The following VAT1L variants were observed in gnomAD, a reference collection of about 807,000 sequenced individuals.
VAT1L encodes the protein vesicle amine transport 1 like, also known as putative NADPH-dependent quinone oxidoreductase VAT1L.
VAT1L carries 34 observed loss-of-function variants against 44.1 expected under a neutral mutation model. That is an observed-to-expected ratio of 0.77 (90% CI 0.59 to 1.03). VAT1L has a LOEUF of 1.03. Ranked by LOEUF, VAT1L falls within the 50% of genes least tolerant of loss-of-function variation. The pLI is 0.00. For synonymous variants in VAT1L, 253 were observed against 202.2 expected (o/e 1.25, Z -2.13); for missense variants, 615 against 538.8 (o/e 1.14, Z -1.40).
intron 1 of VAT1L, among the ~76,000 whole-genome samples, chr16:77,814,560 C>G (rs115850610): frequency 0.022 from 3,321 of 152,292 alleles, 61 homozygotes; most frequent in African/African-American, 0.052. Flanking sequence ...GAGGCCTTCT[C>G]CAGGGGGCTG....
Position 77,901,780 on chromosome 16 carries a change from C to T in VAT1L, c.1077+16978C>T, listed in dbSNP as rs139912936. Among the ~76,000 whole-genome samples, 23 of 152,272 alleles carry T rather than the reference C, an allele frequency of 1.5e-4. No individual in the cohort carries two copies. The East Asian group carries it at 3.5e-3, about 23-fold the overall frequency. On this transcript the variant is annotated intron_variant, in intron 7 of 8. Transcript: ENST00000302536. ...ACATTAAATGAACCACTGTGGGTCA[C>T]CCTCACCCCTAACCTGAAATAATCT...
chr16:77,970,227 C>G (rs1328318345), intron 7 of VAT1L, among the ~76,000 whole-genome samples: 1 of 152,080 alleles, frequency 6.6e-6, no homozygotes, highest in African/African-American at 2.4e-5. Context: ...CAGAGCAAGA[C>G]CCTGTCCCCC....
In VAT1L at chr16:77,979,380, G is replaced by T. The variant is rs557994225; in HGVS notation, c.*1685G>T. 6.6e-6 allele frequency: 1 copy of T among 152,280 alleles called. No homozygotes were observed. The highest frequency in any genetic ancestry group is 1.9e-4 in the East Asian group (1 of 5,170). 9.4% of individuals were successfully genotyped at this position (152,280 alleles called of 1,614,324 possible). A position where few individuals can be genotyped will look rare whatever the true frequency, so the allele number is the denominator to read the frequency against. ...TACTCCAGGACCCACCAATATTCCA[G>T]TTCTGGGTCATTTAGAGAGATAATG... On this transcript the variant is annotated 3_prime_UTR_variant, in exon 9 of 9. Transcript: ENST00000302536.
chr16:77,962,282 C>A (rs1264653782), intron 7 of VAT1L, among the ~76,000 whole-genome samples: 1 of 152,094 alleles, frequency 6.6e-6, no homozygotes, highest in Admixed American at 6.5e-5. Flanking sequence ...GGTCTTGGGG[C>A]CATTTGGGAA....
chr16:77,958,865 A>G (rs2018132679), intron 7 of VAT1L, among the ~76,000 whole-genome samples: 1 of 152,196 alleles, frequency 6.6e-6, no homozygotes, highest in Non-Finnish European at 1.5e-5. Flanking sequence ...TGTTCCTACT[A>G]ATAGCCCCTT....
intron 7 of VAT1L, among the ~76,000 whole-genome samples, chr16:77,898,124 T>C (rs562848003): frequency 6.6e-6 from 1 of 152,286 alleles, no homozygotes; most frequent in Admixed American, 6.5e-5. Flanking sequence ...ATCTCTGCCT[T>C]CATCTTCACA....
chr16:77,821,617 A>T (rs897640568), intron 2 of VAT1L, among the ~76,000 whole-genome samples: 5 of 152,090 alleles, frequency 3.3e-5, no homozygotes, highest in African/African-American at 9.7e-5. Flanking sequence ...TACCACTTAC[A>T]ACTGTGTGGT....
intron 2 of VAT1L, among the ~76,000 whole-genome samples, chr16:77,819,949 G>A (rs1038842928): frequency 6.6e-6 from 1 of 152,160 alleles, no homozygotes; most frequent in Non-Finnish European, 1.5e-5. Context: ...CGTTGGGTGT[G>A]TATTATGCCA....
At chr16:77,801,976 G>A (rs1363074672) in intron 1 of VAT1L, among the ~76,000 whole-genome samples, 1 of 152,028 alleles carries the variant, frequency 6.6e-6, no homozygotes, top group African/African-American at 2.4e-5. Context: ...CCATCCATGC[G>A]CCCACCTTCC....
intron 7 of VAT1L, among the ~76,000 whole-genome samples, chr16:77,956,439 G>C (rs955001105): frequency 6.6e-6 from 1 of 152,174 alleles, no homozygotes; most frequent in Non-Finnish European, 1.5e-5. Context: ...TGCACATGAG[G>C]TGCTTTGCTC....
In VAT1L at chr16:77,822,056, C is replaced by A. The variant is rs1426991218; in HGVS notation, c.364-3190C>A. Among the ~76,000 whole-genome samples the A allele has an allele frequency of 2.0e-5, 3 of 152,212 alleles. No individual in the cohort carries two copies. In the East Asian group the frequency reaches 5.8e-4, roughly 29 times the overall value. Reference sequence around the variant, plus strand: ...TACTGAACAGGCACAGGGGCTGATCCTTTCCTTCTCCTTTGCTCACATTGT... The same window carrying A: ...TACTGAACAGGCACAGGGGCTGATCATTTCCTTCTCCTTTGCTCACATTGT... On this transcript the variant is annotated intron_variant, in intron 2 of 8. Coordinates refer to ENST00000302536, the MANE Select transcript of VAT1L (RefSeq NM_020927.3).
At chr16:77,810,811 T>A (rs1168590881) in intron 1 of VAT1L, among the ~76,000 whole-genome samples, 1 of 152,202 alleles carries the variant, frequency 6.6e-6, no homozygotes, top group East Asian at 1.9e-4. Context: ...ATCCTTGTGC[T>A]GAGATTTGAG....
At chr16:77,941,336 G>A (rs1009665483) in intron 7 of VAT1L, among the ~76,000 whole-genome samples, 18 of 152,060 alleles carry the variant, frequency 1.2e-4, no homozygotes, top group African/African-American at 2.2e-4. Context: ...CCTACTCACC[G>A]AAACAGATTT....
intron 8 of VAT1L, among the ~76,000 whole-genome samples, chr16:77,974,047 G>C (rs2018309152): frequency 6.6e-6 from 1 of 152,134 alleles, no homozygotes; most frequent in Non-Finnish European, 1.5e-5. Flanking sequence ...GTATTTCCTT[G>C]ACTTGTAACC....
chr16:77,838,657 C>T (rs560113253), intron 3 of VAT1L, among the ~76,000 whole-genome samples: 32 of 152,058 alleles, frequency 2.1e-4, no homozygotes, highest in African/African-American at 7.7e-4. Flanking sequence ...TTCCCTCCTC[C>T]TTTCCCTCCC....
At chr16:77,937,671 G>A (rs2142508368) in intron 7 of VAT1L, among the ~76,000 whole-genome samples, 1 of 152,340 alleles carries the variant, frequency 6.6e-6, no homozygotes, top group East Asian at 1.9e-4. Context: ...ATCCCAGTAT[G>A]CACTCCTCCC....
At chr16:77,870,847 C>A (rs920968174) in intron 4 of VAT1L, among the ~76,000 whole-genome samples, 2 of 152,132 alleles carry the variant, frequency 1.3e-5, no homozygotes, top group Non-Finnish European at 2.9e-5. Context: ...GGTCTTTGTT[C>A]CTCTGATGAG....
chr16:77,820,995 A>G (rs1348600761), intron 2 of VAT1L, among the ~76,000 whole-genome samples: 1 of 152,152 alleles, frequency 6.6e-6, no homozygotes, highest in African/African-American at 2.4e-5. Flanking sequence ...GATGTTTCCT[A>G]TGAGACTACT....
chr16:77,967,175 G>A (rs779454168), intron 7 of VAT1L, among the ~76,000 whole-genome samples: 8 of 152,150 alleles, frequency 5.3e-5, no homozygotes, highest in Non-Finnish European at 8.8e-5. Flanking sequence ...GACAACAGAG[G>A]AAGGGGAAGC....
Sources: allele counts gnomAD v4.1 joint callset (sites outside exome capture counted in the v4.1 genomes callset), GRCh38; gene constraint gnomAD v4.1.1; transcripts MANE v1.5; gene names NCBI Gene and HGNC (gene_info 2026-07-23, HGNC 2026-07-21).